Variants in PAQR5 observed in about 807,000 individuals in gnomAD.
The protein encoded by PAQR5 is progestin and adipoQ receptor family member 5, also known as membrane progestin receptor gamma.
Under a neutral mutation model 34.5 loss-of-function variants are expected in PAQR5, and 20 were observed. The observed-to-expected ratio is 0.58, with a 90% CI of 0.41 to 0.84. The LOEUF (loss-of-function observed/expected upper bound fraction) is 0.84. Among genes scored for constraint, PAQR5 ranks in the 40% least tolerant of loss-of-function variants. The pLI, the probability that PAQR5 is intolerant of heterozygous loss-of-function variation, is 0.00. For synonymous variants in PAQR5, 131 were observed against 155.6 expected, an observed-to-expected ratio of 0.84 and a Z score of 1.18; for missense variants, 378 against 412.7, an observed-to-expected ratio of 0.92 and a Z score of 0.73.
intron 2 of PAQR5, among the ~76,000 whole-genome samples, chr15:69,345,844 G>T (rs2054755401): frequency 6.6e-6 from 1 of 152,186 alleles, no homozygotes; most frequent in Non-Finnish European, 1.5e-5. Context: ...GAGGCGAGAA[G>T]GTTGCTTGAT....
intron 3 of PAQR5, among the ~76,000 whole-genome samples, chr15:69,376,428 G>A (rs1319570799): frequency 6.6e-6 from 1 of 152,190 alleles, no homozygotes; most frequent in Non-Finnish European, 1.5e-5. Flanking sequence ...CGGAGAGAAT[G>A]TTTCTTCTTT....
intron 7 of PAQR5, among the ~76,000 whole-genome samples, chr15:69,399,446 A>T (rs988395603): frequency 6.6e-6 from 1 of 152,234 alleles, no homozygotes; most frequent in Non-Finnish European, 1.5e-5. Flanking sequence ...GTTACTTGGC[A>T]GTTTGTTACA....
At chr15:69,369,927 A>G (rs1413098559) in intron 3 of PAQR5, among the ~76,000 whole-genome samples, 2 of 152,112 alleles carry the variant, frequency 1.3e-5, no homozygotes, top group Non-Finnish European at 2.9e-5. Context: ...AGAGACTCTG[A>G]TGGTGAATGC....
chr15:69,331,170 G>T lies in PAQR5; in HGVS notation c.-276-6171G>T, dbSNP rs80145266. 6.6e-3 allele frequency among the ~76,000 whole-genome samples: 999 copies of T among 152,250 alleles called. 3 individuals carry two copies. Among genetic ancestry groups the T allele is most frequent in the Non-Finnish European group, 0.012 (786 of 68,014 alleles). On this transcript the variant is annotated intron_variant, in intron 1 of 8. Coordinates refer to ENST00000395407, the MANE Select transcript of PAQR5 (RefSeq NM_017705.4). ...AGCCCCATTGTGGGGTGTCTGGATT[G>T]GTGAGTAACCTAGGTGCTGCCAATG...
chr15:69,313,243 A>C (rs2140553764), intron 1 of PAQR5, among the ~76,000 whole-genome samples: 1 of 152,190 alleles, frequency 6.6e-6, no homozygotes, highest in East Asian at 1.9e-4. Flanking sequence ...ATGCCCGTAA[A>C]ATCCAAACAC....
At chr15:69,321,883 G>A (rs1231311636) in intron 1 of PAQR5, among the ~76,000 whole-genome samples, 2 of 152,060 alleles carry the variant, frequency 1.3e-5, no homozygotes, top group African/African-American at 4.8e-5. Context: ...AGACAAGCTG[G>A]GTCTGTCTTG....
At chr15:69,301,177 C>T (rs28706802) in intron 1 of PAQR5, among the ~76,000 whole-genome samples, 102,498 of 149,618 alleles carry the variant, frequency 0.69, 35,434 homozygotes, top group Middle Eastern at 0.73. Context: ...CTAATTTTTG[C>T]ATTTTTAGTA....
At chr15:69,390,358 T>TTTTC (rs1567038512) in intron 6 of PAQR5, among the ~76,000 whole-genome samples, 1 of 144,254 alleles carries the variant, frequency 6.9e-6, no homozygotes, top group African/African-American at 2.5e-5. Context: ...ATTTATTTAT[T>TTTTC]TATTTTTTTG....
intron 1 of PAQR5, among the ~76,000 whole-genome samples, chr15:69,299,303 C>T (rs2053468344): frequency 1.3e-5 from 2 of 152,218 alleles, no homozygotes; most frequent in African/African-American, 4.8e-5. Context: ...GTGCAGAAGG[C>T]TCTCTGCTGC....
At chr15:69,327,749 A>T (rs1203063766) in intron 1 of PAQR5, among the ~76,000 whole-genome samples, 1 of 152,058 alleles carries the variant, frequency 6.6e-6, no homozygotes, top group Non-Finnish European at 1.5e-5. Context: ...CAGCAAGAAC[A>T]GTTTTAGAGA....
intron 1 of PAQR5, among the ~76,000 whole-genome samples, chr15:69,325,558 A>G (rs980728968): frequency 2.0e-5 from 3 of 151,570 alleles, no homozygotes; most frequent in Non-Finnish European, 2.9e-5. Context: ...AGCTTTGGAC[A>G]TATAGTAGGT....
intron 1 of PAQR5, among the ~76,000 whole-genome samples, chr15:69,334,800 A>T (rs1283618289): frequency 6.6e-6 from 1 of 152,216 alleles, no homozygotes; most frequent in African/African-American, 2.4e-5. Context: ...TCTACTTCAG[A>T]GGGTTTTAAA....
intron 1 of PAQR5, among the ~76,000 whole-genome samples, chr15:69,329,515 C>T (rs1202912171): frequency 1.7e-5 from 2 of 119,544 alleles, no homozygotes; most frequent in South Asian, 2.7e-4. Context: ...TCTGTCACCT[C>T]GCTCTGTCTG....
At position 69,350,851 on chromosome 15, in the gene PAQR5, C is replaced by A. The variant is rs532463861; in HGVS notation, c.-115-9115C>A. On this transcript the variant is annotated intron_variant, in intron 2 of 8. Transcript: ENST00000395407. The stretch of plus-strand genomic sequence containing the variant: ...AAAATTTATACTATTACTCTTTCTC[C>A]CAGGCTTCGCCAAAGGGATCTGTGA... 6.1e-4 allele frequency among the ~76,000 whole-genome samples: 93 copies of A among 152,278 alleles called. 1 individual carries two copies. Among genetic ancestry groups the A allele is most frequent in the African/African-American group, 2.2e-3 (91 of 41,550 alleles).
chr15:69,401,151 G>A (rs528204861), intron 8 of PAQR5: 1 of 152,304 alleles, frequency 6.6e-6, no homozygotes, highest in African/African-American at 2.4e-5. Flanking sequence ...CTGGCTCTGG[G>A]ACTGGCTAGG....
intron 1 of PAQR5, among the ~76,000 whole-genome samples, chr15:69,328,612 C>T (rs1011310201): frequency 1.3e-5 from 2 of 152,294 alleles, no homozygotes; most frequent in East Asian, 3.9e-4. Context: ...CCTGGAAAGA[C>T]TCCCAGGGAG....
intron 3 of PAQR5, among the ~76,000 whole-genome samples, chr15:69,371,070 C>T (rs11852661): frequency 0.79 from 120,762 of 152,064 alleles, 51,432 homozygotes; most frequent in Non-Finnish European, 0.96. Flanking sequence ...GTGTTGTAAT[C>T]GACATTATCA....
In PAQR5 at chr15:69,331,384, G is replaced by A. The variant is rs531940572; in HGVS notation, c.-276-5957G>A. Among the ~76,000 whole-genome samples the A allele has an allele frequency of 4.6e-5, 7 of 152,292 alleles. No individual in the cohort carries two copies. In the South Asian group the frequency reaches 8.3e-4, roughly 18 times the overall value. Reference sequence around the variant, plus strand: ...ACTTATCCTCAATCTGGAAGATTTCGAGGCAGTTTCTCAGACGGAGAATAG... The same window carrying A: ...ACTTATCCTCAATCTGGAAGATTTCAAGGCAGTTTCTCAGACGGAGAATAG... On this transcript the variant is annotated intron_variant, in intron 1 of 8. Transcript: ENST00000395407.
At chr15:69,372,454 A>G (rs141639321) in intron 3 of PAQR5, among the ~76,000 whole-genome samples, 1 of 152,262 alleles carries the variant, frequency 6.6e-6, no homozygotes, top group East Asian at 1.9e-4. Context: ...GAGGCAGGAG[A>G]ATCACTTGAA....
Sources: gnomAD v4.1 joint callset for allele counts (sites outside exome capture counted in the v4.1 genomes callset) on GRCh38, gnomAD v4.1.1 for gene constraint, MANE v1.5 for transcripts, NCBI Gene and HGNC (gene_info 2026-07-23, HGNC 2026-07-21) for gene names.